Variants in ZC3H6 observed in about 807,000 individuals in gnomAD.
ZC3H6 encodes zinc finger CCCH-type containing 6, also known as zinc finger CCCH domain-containing protein 6.
Under a neutral mutation model 107.7 loss-of-function variants are expected in ZC3H6, and 40 were observed. The ratio of observed to expected loss-of-function variants is 0.37; its 90% confidence interval spans 0.29 to 0.48. The LOEUF (loss-of-function observed/expected upper bound fraction) is 0.48, where lower values mean the gene tolerates loss of function less well. Ranked by LOEUF, ZC3H6 falls within the 20% of genes least tolerant of loss-of-function variation. ZC3H6 has a pLI of 0.98. For missense variants in ZC3H6, 1,267 were observed against 1,410.4 expected (o/e 0.90, Z 1.63); for synonymous variants, 493 against 487.9 (o/e 1.01, Z -0.14).
rs1289564586 is a variant in ZC3H6, at chr2:112,333,356, C to T, written c.*868C>T. On this transcript the variant is annotated 3_prime_UTR_variant, in exon 12 of 12. Coordinates refer to ENST00000409871, the MANE Select transcript of ZC3H6 (RefSeq NM_198581.3). ...ATTTTTAACAAAATTTTTAAAGACCCAGTGAGAGTCTGTAGTGATTATTAC... is the reference window on the plus strand; with the variant it reads ...ATTTTTAACAAAATTTTTAAAGACCTAGTGAGAGTCTGTAGTGATTATTAC... 1 of 152,494 alleles carries T rather than the reference C, an allele frequency of 6.6e-6. No individual in the cohort carries two copies. The highest frequency in any genetic ancestry group is 1.9e-4 in the East Asian group (1 of 5,200). The allele number at this position is 152,494 out of a possible 1,614,324, so 9.4% of individuals were successfully genotyped here. A position where few individuals can be genotyped will look rare whatever the true frequency, so the allele number is the denominator to read the frequency against.
In ZC3H6 at chr2:112,338,855, G is replaced by GTATATATATATA. The variant is rs1157174486; in HGVS notation, c.*6414_*6425dup. On this transcript the variant is annotated 3_prime_UTR_variant, in exon 12 of 12. Transcript: ENST00000409871. ...TATATATATATGTATGTATATGTGT[G>GTATATATATATA]TATATATATATATATATATATATAT... The GTATATATATATA allele has an allele frequency of 2.6e-5, 1 of 38,474 alleles. No homozygotes were observed. Among genetic ancestry groups the GTATATATATATA allele is most frequent in the Non-Finnish European group, 4.4e-5 (1 of 22,860 alleles). 2.4% of individuals were successfully genotyped at this position (38,474 alleles called of 1,614,324 possible). A position where few individuals can be genotyped will look rare whatever the true frequency, so the allele number is the denominator to read the frequency against.
At chr2:112,299,827 A>T (rs1446414745) in intron 1 of ZC3H6, 22 bp from the exon 2 acceptor site, 1 of 1,358,682 alleles carries the variant, frequency 7.4e-7, no homozygotes, top group East Asian at 2.9e-5. Context: ...GATATTTGAA[A>T]ATTAAAATTT....
In ZC3H6 at chr2:112,296,513, A is replaced by T. The variant is rs544693418; in HGVS notation, c.33-3336A>T. ...CATTCTTATACTTGTCTTTTGGTGA[A>T]TATGTGCACTCATTTTCTCGGATTG... On this transcript the variant is annotated intron_variant, in intron 1 of 11. Transcript: ENST00000409871. Among the ~76,000 whole-genome samples the T allele has an allele frequency of 2.6e-5, 4 of 152,290 alleles. No individual in the cohort carries two copies. In the East Asian group the frequency reaches 7.7e-4, roughly 29 times the overall value.
At position 112,324,678 on chromosome 2, in the gene ZC3H6, T is replaced by C; in HGVS notation, c.1852+15T>C. On this transcript the variant is annotated intron_variant, in intron 10 of 11. Transcript: ENST00000409871. ...TAACTCTGGTGGTAAGTTTACTTTTTTGAAATAATTTATTCCTAATTTAAA... is the reference window on the plus strand; with the variant it reads ...TAACTCTGGTGGTAAGTTTACTTTTCTGAAATAATTTATTCCTAATTTAAA... 3 of 1,545,122 alleles carry C rather than the reference T, an allele frequency of 1.9e-6. No homozygotes were observed. The highest frequency in any genetic ancestry group is 2.6e-6 in the Non-Finnish European group (3 of 1,143,320).
At chr2:112,295,705 GT>G (rs1433968133) in intron 1 of ZC3H6, among the ~76,000 whole-genome samples, 7 of 152,000 alleles carry the variant, frequency 4.6e-5, no homozygotes, top group Admixed American at 2.0e-4. Context: ...AAATATACAA[GT>G]TTAAATCTGC....
intron 7 of ZC3H6, among the ~76,000 whole-genome samples, chr2:112,320,082 A>G (rs1676773118): frequency 6.6e-6 from 1 of 151,988 alleles, no homozygotes. Context: ...ACAGGCATGC[A>G]CCACCACGCC....
At chr2:112,276,059 G>C in intron 1 of ZC3H6, 33 bp downstream of exon 1, 1 of 1,537,282 alleles carries the variant, frequency 6.5e-7, no homozygotes, top group Non-Finnish European at 8.8e-7. Flanking sequence ...CTTTCTGTCG[G>C]ATGAGAGGAG....
chr2:112,280,527 C>G (rs1319655164), intron 1 of ZC3H6, among the ~76,000 whole-genome samples: 2 of 152,018 alleles, frequency 1.3e-5, no homozygotes, highest in Non-Finnish European at 2.9e-5. Context: ...CAAAAGAACT[C>G]TGGACACAAC....
chr2:112,320,347 G>A (rs1392864154), intron 7 of ZC3H6, among the ~76,000 whole-genome samples: 1 of 152,042 alleles, frequency 6.6e-6, no homozygotes, highest in Non-Finnish European at 1.5e-5. Flanking sequence ...TGTTAATAAG[G>A]ACCTTTATTC....
At chr2:112,291,142 G>A (rs1480713923) in intron 1 of ZC3H6, among the ~76,000 whole-genome samples, 1 of 152,218 alleles carries the variant, frequency 6.6e-6, no homozygotes, top group African/African-American at 2.4e-5. Flanking sequence ...GGCATACCCT[G>A]TGTAAGCTAA....
Position 112,309,916 on chromosome 2 carries a change from C to A in ZC3H6, c.368C>A (p.Ser123Ter). Reference sequence around the variant, plus strand: ...CATATATCAGGAAGCTACATAACATCAAAGAAGGGTCAACATAACAAAAAA... The same window carrying A: ...CATATATCAGGAAGCTACATAACATAAAAGAAGGGTCAACATAACAAAAAA... ...RGHISGSYITSKKGQHNKKFK... is the reference protein window; with the variant it reads ...RGHISGSYIT Residue 123 changes from serine (S) to a stop codon, truncating the protein, a stop_gained, in exon 4 of 12, where the codon TCA (serine) becomes TAA (stop). Transcript: ENST00000409871. LOFTEE classifies it high-confidence loss of function. The A allele has an allele frequency of 6.3e-7, 1 of 1,590,294 alleles. No individual in the cohort carries two copies. Among genetic ancestry groups the A allele is most frequent in the South Asian group, 1.1e-5 (1 of 87,418 alleles).
chr2:112,277,708 A>T (rs996762554), intron 1 of ZC3H6, among the ~76,000 whole-genome samples: 4 of 152,298 alleles, frequency 2.6e-5, no homozygotes, highest in Middle Eastern at 3.4e-3. Flanking sequence ...TGATTTCTGA[A>T]ACAAAAAGGT....
intron 1 of ZC3H6, among the ~76,000 whole-genome samples, chr2:112,286,947 C>A (rs1240894488): frequency 6.6e-6 from 1 of 152,100 alleles, no homozygotes; most frequent in Non-Finnish European, 1.5e-5. Flanking sequence ...CAGTACCTTA[C>A]AATTACAGTT....
intron 1 of ZC3H6, 150 bp downstream of exon 1, chr2:112,276,176 T>A (rs1226636830): frequency 1.9e-6 from 1 of 519,070 alleles, no homozygotes; most frequent in Non-Finnish European, 3.0e-6. Flanking sequence ...TGTAAACTGC[T>A]GGATCGCGGC....
chr2:112,316,683 A>G, intron 6 of ZC3H6, 97 bp downstream of exon 6: 1 of 692,902 alleles, frequency 1.4e-6, no homozygotes, highest in Non-Finnish European at 2.4e-6. Flanking sequence ...CTCTTCTCAT[A>G]TAGTTGTAAT....
rs375480045 is a variant in ZC3H6, at chr2:112,332,527, T to C, written c.*39T>C. 5.1e-5 allele frequency: 80 copies of C among 1,559,016 alleles called. No individual in the cohort carries two copies. Among genetic ancestry groups the C allele is most frequent in the Non-Finnish European group, 3.5e-6 (4 of 1,153,002 alleles). On this transcript the variant is annotated 3_prime_UTR_variant, in exon 12 of 12. Coordinates refer to ENST00000409871, the MANE Select transcript of ZC3H6 (RefSeq NM_198581.3). ...GAGCAATTCTTTTCACTCTTGTGAC[T>C]ATCTCAGTCCTCTGCTGTTTTGTAA...
intron 1 of ZC3H6, 99 bp downstream of exon 1, chr2:112,276,125 GT>G: frequency 9.5e-7 from 1 of 1,050,468 alleles, no homozygotes. Flanking sequence ...TGACCTAGAC[GT>G]CTCTGTGTGG....
rs1014819125 is a variant in ZC3H6, at chr2:112,301,265, C to T, written c.213+1236C>T. Among the ~76,000 whole-genome samples the T allele has an allele frequency of 2.6e-5, 4 of 152,140 alleles. No homozygotes were observed. The South Asian group carries it at 6.2e-4, about 24-fold the overall frequency. Reference sequence around the variant, plus strand: ...TTGGATGGTGCTGAAAAGATCTGGACCTGATGAACCCCAAATATGAATCAA... The same window carrying T: ...TTGGATGGTGCTGAAAAGATCTGGATCTGATGAACCCCAAATATGAATCAA... On this transcript the variant is annotated intron_variant, in intron 2 of 11. Transcript: ENST00000409871.
chr2:112,315,590 TG>T, intron 5 of ZC3H6, among the ~76,000 whole-genome samples: 1 of 151,878 alleles, frequency 6.6e-6, no homozygotes, highest in Admixed American at 6.6e-5. Flanking sequence ...ACTTTTTTTT[TG>T]TTTTTTTTTT....
Sources: gnomAD v4.1 joint callset for allele counts (sites outside exome capture counted in the v4.1 genomes callset) on GRCh38, gnomAD v4.1.1 for gene constraint, MANE v1.5 for transcripts, NCBI Gene and HGNC (gene_info 2026-07-23, HGNC 2026-07-21) for gene names.